THSD7B: variants seen among roughly 807,000 people sequenced by gnomAD.
THSD7B encodes thrombospondin type-1 domain-containing protein 7B.
A neutral mutation model predicts 213.6 loss-of-function variants in THSD7B; 138 were observed. The ratio of observed to expected loss-of-function variants is 0.65; its 90% CI spans 0.56 to 0.74. The LOEUF (loss-of-function observed/expected upper bound fraction) is 0.74. Among genes scored for constraint, THSD7B ranks in the 30% least tolerant of loss-of-function variants. THSD7B has a pLI of 0.00. For missense variants in THSD7B, 1,931 were observed against 1,991.5 expected (o/e 0.97, Z 0.58); for synonymous variants, 742 against 687.0 (o/e 1.08, Z -1.25).
chr2:136,792,357 G>C (rs1040208191), intron 1 of THSD7B, among the ~76,000 whole-genome samples: 1 of 151,954 alleles, frequency 6.6e-6, no homozygotes, highest in African/African-American at 2.4e-5. Context: ...AGGAGTTCTG[G>C]GGGAGGGAGA....
intron 10 of THSD7B, among the ~76,000 whole-genome samples, chr2:137,264,400 C>G (rs529969777): frequency 6.6e-6 from 1 of 152,076 alleles, no homozygotes; most frequent in African/African-American, 2.4e-5. Flanking sequence ...CTACAGGCAC[C>G]CGCCACCATG....
chr2:137,506,593 T>C (rs1679839750), intron 15 of THSD7B, among the ~76,000 whole-genome samples: 1 of 152,250 alleles, frequency 6.6e-6, no homozygotes, highest in Admixed American at 6.5e-5. Flanking sequence ...AGATAACTAC[T>C]CAGGAGGGAG....
chr2:137,335,843 T>G (rs901600658), intron 12 of THSD7B, among the ~76,000 whole-genome samples: 2 of 152,200 alleles, frequency 1.3e-5, no homozygotes, highest in Non-Finnish European at 2.9e-5. Context: ...TTGAAGAATA[T>G]TGCCCTATCA....
chr2:137,494,092 C>T (rs1410450052), intron 15 of THSD7B, among the ~76,000 whole-genome samples: 2 of 152,126 alleles, frequency 1.3e-5, no homozygotes, highest in Admixed American at 6.5e-5. Flanking sequence ...GAAAGGAGAG[C>T]ATTCATTATT....
chr2:137,602,279 A>T (rs13383114), intron 17 of THSD7B, among the ~76,000 whole-genome samples: 54 of 151,362 alleles, frequency 3.6e-4, no homozygotes, highest in South Asian at 1.0e-3. Context: ...TTGTTTTTGT[A>T]TTATTTTTTA....
At chr2:136,782,095 C>G (rs1681753445) in intron 1 of THSD7B, among the ~76,000 whole-genome samples, 1 of 152,138 alleles carries the variant, frequency 6.6e-6, no homozygotes, top group African/African-American at 2.4e-5. Flanking sequence ...TAAGAAATGC[C>G]TAAATACTTC....
intron 12 of THSD7B, among the ~76,000 whole-genome samples, chr2:137,318,452 A>T (rs368807911): frequency 2.0e-5 from 3 of 152,260 alleles, no homozygotes; most frequent in African/African-American, 7.2e-5. Context: ...CTCACCCAGG[A>T]GGTACAATAT....
At chr2:137,160,892 G>T (rs2104984930) in intron 6 of THSD7B, among the ~76,000 whole-genome samples, 1 of 152,280 alleles carries the variant, frequency 6.6e-6, no homozygotes, top group East Asian at 1.9e-4. Flanking sequence ...AAAGTGCTGG[G>T]ATTACAGGCG....
chr2:137,258,858 C>G (rs2105080434), intron 10 of THSD7B, among the ~76,000 whole-genome samples: 1 of 152,048 alleles, frequency 6.6e-6, no homozygotes, highest in African/African-American at 2.4e-5. Context: ...CTGACAGGCC[C>G]TGAAGCGTGT....
intron 10 of THSD7B, among the ~76,000 whole-genome samples, chr2:137,271,281 A>T (rs1412164715): frequency 1.3e-5 from 2 of 150,658 alleles, no homozygotes; most frequent in African/African-American, 4.9e-5. Context: ...TTCTGAGTGT[A>T]GTTACTTGTC....
At chr2:136,771,336 T>G (rs1681501164) in intron 1 of THSD7B, among the ~76,000 whole-genome samples, 1 of 152,176 alleles carries the variant, frequency 6.6e-6, no homozygotes, top group Non-Finnish European at 1.5e-5. Flanking sequence ...TCTGGATCTC[T>G]TCTAGCTAAA....
At position 137,056,890 on chromosome 2, in the gene THSD7B, C is replaced by T. The variant is rs1687176589; in HGVS notation, c.610C>T (p.Arg204Cys). Residue 204 changes from arginine to cysteine, a missense_variant, in exon 3 of 28, where the codon CGC (arginine) becomes TGC (cysteine). Coordinates refer to ENST00000409968, the MANE Select transcript of THSD7B (RefSeq NM_001316349.2). ...GCGKKLQHRTRAVIAPPLFGG... is the reference protein window; with the variant it reads ...GCGKKLQHRTCAVIAPPLFGG... ...TGGGAAGAAATTGCAGCATAGAACT[C>T]GCGCGGTCATAGCTCCCCCTCTCTT... 1 of 1,613,888 alleles carries T rather than the reference C, an allele frequency of 6.2e-7. No homozygotes were observed.
chr2:137,395,089 A>G (rs1256160862), intron 12 of THSD7B, among the ~76,000 whole-genome samples: 1 of 142,026 alleles, frequency 7.0e-6, no homozygotes, highest in African/African-American at 2.6e-5. Flanking sequence ...TTCTAGATAT[A>G]AAATCATGTC....
rs374522351 is a variant in THSD7B, at chr2:137,160,376, C to T, written c.1525+8C>T. ...ATCCTCAGGGGAAAAAAGGTGAGTG[C>T]CTTGTTTGCATGCGCTTCATTTGCT... On this transcript the variant is annotated splice_region_variant and intron_variant, in intron 6 of 27. Coordinates refer to ENST00000409968, the MANE Select transcript of THSD7B (RefSeq NM_001316349.2). 6.2e-7 allele frequency: 1 copy of T among 1,610,816 alleles called. No individual in the cohort carries two copies. The highest frequency in any genetic ancestry group is 1.1e-5 in the South Asian group (1 of 90,342).
At chr2:137,290,886 G>A (rs1683321121) in intron 12 of THSD7B, among the ~76,000 whole-genome samples, 2 of 151,988 alleles carry the variant, frequency 1.3e-5, no homozygotes, top group Admixed American at 6.6e-5. Context: ...GACCACTGTT[G>A]ATATCCACCT....
At chr2:137,342,789 C>T (rs1261022286) in intron 12 of THSD7B, among the ~76,000 whole-genome samples, 2 of 151,604 alleles carry the variant, frequency 1.3e-5, no homozygotes, top group African/African-American at 4.8e-5. Flanking sequence ...AAGAGATGAT[C>T]ATATGGTTTT....
At chr2:137,496,195 T>C (rs1407205965) in intron 15 of THSD7B, among the ~76,000 whole-genome samples, 1 of 152,116 alleles carries the variant, frequency 6.6e-6, no homozygotes, top group Non-Finnish European at 1.5e-5. Flanking sequence ...ACTTACAAGC[T>C]CAGTTAATGA....
chr2:137,527,020 G>A (rs1680293488), intron 15 of THSD7B, among the ~76,000 whole-genome samples: 1 of 152,074 alleles, frequency 6.6e-6, no homozygotes, highest in South Asian at 2.1e-4. Flanking sequence ...TTAGAGAAAT[G>A]AATAATTTTG....
chr2:136,779,198 A>ATGTGTGTGTG (rs199689020), intron 1 of THSD7B, among the ~76,000 whole-genome samples: 951 of 55,108 alleles, frequency 0.017, 18 homozygotes, highest in Non-Finnish European at 0.023. Context: ...ATATATATAT[A>ATGTGTGTGTG]TGTGTGTGTG....
Sources: allele counts gnomAD v4.1 joint callset (sites outside exome capture counted in the v4.1 genomes callset), GRCh38; gene constraint gnomAD v4.1.1; transcripts MANE v1.5; gene names NCBI Gene and HGNC (gene_info 2026-07-23, HGNC 2026-07-21).